The following AFDN variants were observed in gnomAD, a reference collection of about 807,000 sequenced individuals.
The protein encoded by AFDN is afadin.
Under a neutral mutation model 216.6 loss-of-function variants are expected in AFDN, and 68 were observed. The observed-to-expected ratio is 0.31, with a 90% CI of 0.26 to 0.38. The LOEUF is 0.38. Among genes scored for constraint, AFDN ranks in the 10% least tolerant of loss-of-function variants. AFDN has a pLI of 1.00. For synonymous variants in AFDN, 868 were observed against 853.7 expected, an observed-to-expected ratio of 1.02 and a Z score of -0.29; for missense variants, 2,136 against 2,342.0, an observed-to-expected ratio of 0.91 and a Z score of 1.82.
rs565980161 is a variant in AFDN at position 167,885,112 on chromosome 6, A to T, written c.898-4103A>T. Among the ~76,000 whole-genome samples, 18 of 152,236 alleles carry T rather than the reference A, an allele frequency of 1.2e-4. No individual in the cohort carries two copies. The South Asian group carries it at 3.7e-3, about 32-fold the overall frequency. On this transcript the variant is annotated intron_variant, in intron 6 of 33. Transcript: ENST00000683244. The stretch of plus-strand genomic sequence containing the variant: ...ATCCTTCTCACCTCTCTCAGCCTTC[A>T]TAGAATTGAAGAGAGTTAGGGCCTT...
chr6:167,885,136 T>G lies in AFDN; in HGVS notation c.898-4079T>G, dbSNP rs188162193. The stretch of plus-strand genomic sequence containing the variant: ...CATAGAATTGAAGAGAGTTAGGGCC[T>G]TGCTCTAGAGTAGAATTGGCTGTAA... On this transcript the variant is annotated intron_variant, in intron 6 of 33. Coordinates refer to ENST00000683244, the MANE Select transcript of AFDN (RefSeq NM_001386888.1). 4.6e-5 allele frequency among the ~76,000 whole-genome samples: 7 copies of G among 152,322 alleles called. No homozygotes were observed. In the East Asian group the frequency reaches 1.4e-3, roughly 29 times the overall value.
At chr6:167,925,156 A>G (rs2128516143) in intron 23 of AFDN, 65 bp downstream of exon 23, 4 of 1,189,194 alleles carry the variant, frequency 3.4e-6, no homozygotes, top group African/African-American at 1.5e-5. Context: ...AGTGGTTGTC[A>G]GAGTGGATCG....
chr6:167,894,709 A>G (rs1015530675), intron 9 of AFDN, among the ~76,000 whole-genome samples: 3 of 152,148 alleles, frequency 2.0e-5, no homozygotes, highest in Non-Finnish European at 4.4e-5. Context: ...AATTTCTATT[A>G]CCATGGTGAG....
chr6:167,912,444 C>G (rs1296720734), intron 15 of AFDN, among the ~76,000 whole-genome samples: 8 of 152,136 alleles, frequency 5.3e-5, no homozygotes, highest in Admixed American at 5.2e-4. Context: ...GAATTGTTTT[C>G]AAAGGCCAGA....
At chr6:167,964,293 T>G (rs538749057) in intron 31 of AFDN, 1 of 1,064,106 alleles carries the variant, frequency 9.4e-7, no homozygotes, top group Non-Finnish European at 1.1e-6. Context: ...TGTCTTGTAA[T>G]TGTATCTGCT....
intron 30 of AFDN, 108 bp downstream of exon 30, chr6:167,952,295 G>T (rs1796084609): frequency 6.4e-7 from 1 of 1,573,086 alleles, no homozygotes; most frequent in African/African-American, 1.4e-5. Flanking sequence ...GATTAAAAGG[G>T]CCCCTAGGCT....
intron 30 of AFDN, among the ~76,000 whole-genome samples, chr6:167,958,587 C>T (rs1162130313): frequency 6.6e-6 from 1 of 152,194 alleles, no homozygotes. Context: ...AGAAATTCCT[C>T]CCCCTTGGGG....
intron 5 of AFDN, among the ~76,000 whole-genome samples, chr6:167,879,774 G>A (rs1422974226): frequency 6.6e-6 from 1 of 152,166 alleles, no homozygotes; most frequent in Non-Finnish European, 1.5e-5. Context: ...TGTAGTGCCT[G>A]GAAGTAAAAA....
Position 167,827,187 on chromosome 6 carries a change from C to A in AFDN, c.55C>A (p.His19Asn), listed in dbSNP as rs867098866. 7.7e-7 allele frequency: 1 copy of A among 1,303,270 alleles called. No homozygotes were observed. Among genetic ancestry groups the A allele is most frequent in the Non-Finnish European group, 1.0e-6 (1 of 996,066 alleles). 80.7% of individuals were successfully genotyped at this position (1,303,270 alleles called of 1,614,324 possible). The change falls in exon 1 of 34, where the codon CAC (histidine) becomes AAC (asparagine). Residue 19 changes from histidine to asparagine, a missense_variant. Physicochemically the swap from His to Asn is moderately conservative, Grantham distance 68. Transcript: ENST00000683244. ...ERRKLADIIH[H>N]WNANRLDLFE... is the part of the protein sequence containing the mutation. Reference sequence around the variant, plus strand: ...GCGGAAGCTGGCCGACATCATCCACCACTGGAACGCCAACCGGCTGGACCT... The same window carrying A: ...GCGGAAGCTGGCCGACATCATCCACAACTGGAACGCCAACCGGCTGGACCT...
At chr6:167,926,669 C>T (rs1385191967) in intron 23 of AFDN, among the ~76,000 whole-genome samples, 2 of 152,218 alleles carry the variant, frequency 1.3e-5, no homozygotes, top group African/African-American at 4.8e-5. Context: ...CTCCTGGCCT[C>T]AACCAGTCCT....
chr6:167,847,840 A>G (rs1270919844), intron 1 of AFDN, among the ~76,000 whole-genome samples: 1 of 152,136 alleles, frequency 6.6e-6, no homozygotes, highest in Admixed American at 6.6e-5. Flanking sequence ...TAAATAATGT[A>G]ATGTTTCTAT....
chr6:167,963,628 T>C (rs1213518393), intron 31 of AFDN: 6 of 1,059,204 alleles, frequency 5.7e-6, no homozygotes, highest in Admixed American at 1.1e-4. Context: ...CTCACCTCTG[T>C]TGAAATTGGT....
chr6:167,925,022 A>G lies in AFDN; in HGVS notation c.3030A>G (p.Lys1010=), dbSNP rs1792328642. The G allele has an allele frequency of 6.2e-7, 1 of 1,613,592 alleles. No individual in the cohort carries two copies. Among genetic ancestry groups the G allele is most frequent in the Non-Finnish European group, 8.5e-7 (1 of 1,179,484 alleles). The change falls in exon 23 of 34, where the codon AAA becomes AAG. Residue 1010 remains lysine (K), a synonymous_variant. Transcript: ENST00000683244. ...ENTELAQPLR[K]EPEIITVTLK... ...TCCTTTAGGCTCAGCCTCTGAGGAA[A>G]GAACCTGAAATAATCACTGTGACCC...
In AFDN at chr6:167,915,300, C is replaced by T. The variant is rs1322000083; in HGVS notation, c.2432C>T (p.Thr811Ile). ...ATGTGGCTGTTCAATAGATTGGTGA[C>T]CGACCCAGATTCGGGGCTGTGCTCC... is the stretch of plus-strand genomic sequence containing the variant. Reference protein sequence around the residue: ...INMWLFNRLVTDPDSGLCSHY... With the variant: ...INMWLFNRLVIDPDSGLCSHY... Residue 811 changes from threonine to isoleucine, a missense_variant, in exon 19 of 34, where the codon ACC becomes ATC. Transcript: ENST00000683244. The T allele has an allele frequency of 1.9e-6, 3 of 1,614,254 alleles. No homozygotes were observed. Among genetic ancestry groups the T allele is most frequent in the Non-Finnish European group, 2.5e-6 (3 of 1,180,038 alleles).
At chr6:167,952,474 C>T in intron 30 of AFDN, 1 of 985,382 alleles carries the variant, frequency 1.0e-6, no homozygotes. Flanking sequence ...CTTAACACTT[C>T]CAGTTGAGAA....
chr6:167,930,926 C>T (rs1042059883), intron 23 of AFDN, among the ~76,000 whole-genome samples: 1 of 152,128 alleles, frequency 6.6e-6, no homozygotes, highest in Non-Finnish European at 1.5e-5. Context: ...TAGAGACGCT[C>T]AGAAGTACAA....
chr6:167,947,333 C>T (rs549927466), intron 27 of AFDN, among the ~76,000 whole-genome samples: 1 of 152,240 alleles, frequency 6.6e-6, no homozygotes, highest in South Asian at 2.1e-4. Context: ...GCGCCCACCA[C>T]CACGCCCGGC....
At chr6:167,937,647 C>T (rs1336511730) in intron 23 of AFDN, among the ~76,000 whole-genome samples, 1 of 152,184 alleles carries the variant, frequency 6.6e-6, no homozygotes, top group African/African-American at 2.4e-5. Context: ...ACTTAGAATT[C>T]AGATAAATTC....
chr6:167,918,825 C>A lies in AFDN; in HGVS notation c.2800C>A (p.Pro934Thr). Residue 934 changes from proline (P) to threonine (T), a missense_variant, in exon 21 of 34, where the codon CCT becomes ACT. By Grantham distance (38) the Pro-to-Thr change is conservative. Coordinates refer to ENST00000683244, the MANE Select transcript of AFDN (RefSeq NM_001386888.1). The part of the protein sequence containing the change: ...DGREVQLEED[P>T]DLQLPFLLPE... ...AAGGGAAGTGCAGTTGGAGGAGGATCCTGATCTGCAGCTGCCGTTTCTTTT... is the reference window on the plus strand; with the variant it reads ...AAGGGAAGTGCAGTTGGAGGAGGATACTGATCTGCAGCTGCCGTTTCTTTT... 1 of 1,612,882 alleles carries A rather than the reference C, an allele frequency of 6.2e-7. No individual in the cohort carries two copies. The highest frequency in any genetic ancestry group is 2.2e-5 in the East Asian group (1 of 44,868).
Sources: gnomAD v4.1 joint callset for allele counts (sites outside exome capture counted in the v4.1 genomes callset) on GRCh38, gnomAD v4.1.1 for gene constraint, MANE v1.5 for transcripts, NCBI Gene and HGNC (gene_info 2026-07-23, HGNC 2026-07-21) for gene names.